HPGDS: variants seen among roughly 807,000 people sequenced by gnomAD.
HPGDS encodes hematopoietic prostaglandin D synthase.
In HPGDS, 26 loss-of-function variants were observed where a neutral mutation model predicts 23.1. That is an observed-to-expected ratio of 1.13 (90% CI 0.83 to 1.56). The LOEUF is 1.56. Among genes scored for constraint, HPGDS ranks in the 40% most tolerant of loss-of-function variants. HPGDS has a pLI of 0.00. For missense variants in HPGDS, 268 were observed against 236.4 expected (o/e 1.13, Z -0.88); for synonymous variants, 95 against 77.9 (o/e 1.22, Z -1.16).
intron 2 of HPGDS, among the ~76,000 whole-genome samples, chr4:94,328,382 C>T (rs1026966245): frequency 6.6e-6 from 1 of 152,188 alleles, no homozygotes; most frequent in African/African-American, 2.4e-5. Flanking sequence ...TGATGAGGGA[C>T]TATTTGAAAT....
chr4:94,305,390 C>A (rs998682981), intron 4 of HPGDS, among the ~76,000 whole-genome samples: 2 of 152,026 alleles, frequency 1.3e-5, no homozygotes, highest in African/African-American at 4.8e-5. Flanking sequence ...GCAGACCCTA[C>A]ACACCTTACA....
intron 5 of HPGDS, 149 bp downstream of exon 5, chr4:94,301,997 A>T (rs1579423778): frequency 4.4e-6 from 2 of 458,418 alleles, no homozygotes; most frequent in East Asian, 6.8e-5. Flanking sequence ...TCTATTTTTT[A>T]AAAAGGTTTA....
chr4:94,338,626 T>G (rs1261364838), intron 1 of HPGDS, among the ~76,000 whole-genome samples: 1 of 152,188 alleles, frequency 6.6e-6, no homozygotes, highest in Non-Finnish European at 1.5e-5. Context: ...TAAAAACTTA[T>G]AGCAAATATA....
intron 3 of HPGDS, among the ~76,000 whole-genome samples, chr4:94,315,946 T>A (rs1338707712): frequency 6.6e-6 from 1 of 152,188 alleles, no homozygotes; most frequent in Non-Finnish European, 1.5e-5. Flanking sequence ...TCCTTTTGGA[T>A]ATATCTCTGA....
At position 94,299,426 on chromosome 4, in the gene HPGDS, T is replaced by C; in HGVS notation, c.*54A>G. 6.6e-7 allele frequency: 1 copy of C among 1,513,484 alleles called. No individual in the cohort carries two copies. The highest frequency in any genetic ancestry group is 9.0e-7 in the Non-Finnish European group (1 of 1,116,732). The allele number at this position is 1,513,484 out of a possible 1,614,324, so 93.8% of individuals were successfully genotyped here. ...CTGGCAGGCTGATGTAGCTGTCTTATCTGATGAGAGAGATGCCCCCGAGAA... is the reference window on the plus strand; with the variant it reads ...CTGGCAGGCTGATGTAGCTGTCTTACCTGATGAGAGAGATGCCCCCGAGAA... On this transcript the variant is annotated 3_prime_UTR_variant, in exon 6 of 6. Transcript: ENST00000295256.
chr4:94,327,174 A>C (rs1048710752), intron 2 of HPGDS, among the ~76,000 whole-genome samples: 6 of 152,028 alleles, frequency 3.9e-5, no homozygotes, highest in African/African-American at 1.5e-4. Flanking sequence ...AGGCAGATCC[A>C]GCCCCCCAGA....
chr4:94,321,575 G>T (rs1166325948), intron 2 of HPGDS, among the ~76,000 whole-genome samples: 1 of 152,104 alleles, frequency 6.6e-6, no homozygotes, highest in African/African-American at 2.4e-5. Context: ...GTCTGTTATT[G>T]GTGTATAGCA....
intron 2 of HPGDS, among the ~76,000 whole-genome samples, chr4:94,332,209 T>C (rs1048663270): frequency 2.0e-5 from 3 of 152,120 alleles, no homozygotes; most frequent in Non-Finnish European, 4.4e-5. Context: ...CTGTCCTCTC[T>C]CCAGCTCCCC....
chr4:94,318,283 G>A (rs1003512251), intron 2 of HPGDS, among the ~76,000 whole-genome samples: 9 of 151,960 alleles, frequency 5.9e-5, no homozygotes, highest in African/African-American at 2.2e-4. Flanking sequence ...ATTATTTTTT[G>A]CAGCCTCAAT....
At chr4:94,310,506 G>A (rs139964519) in intron 3 of HPGDS, among the ~76,000 whole-genome samples, 1,620 of 152,242 alleles carry the variant, frequency 0.011, 23 homozygotes, top group African/African-American at 0.036. Context: ...CTCTGTTTTG[G>A]TACCAGTACC....
intron 2 of HPGDS, among the ~76,000 whole-genome samples, chr4:94,333,854 A>G (rs2126045604): frequency 1.3e-5 from 2 of 152,350 alleles, no homozygotes; most frequent in Middle Eastern, 6.8e-3. Flanking sequence ...TTATATATTC[A>G]CTGTCTTAAA....
chr4:94,329,850 A>G (rs939700491), intron 2 of HPGDS, among the ~76,000 whole-genome samples: 6 of 152,238 alleles, frequency 3.9e-5, no homozygotes, highest in Admixed American at 3.9e-4. Flanking sequence ...AGGTGTCAAC[A>G]GAAGTATTCT....
At chr4:94,328,053 T>G (rs555342223) in intron 2 of HPGDS, among the ~76,000 whole-genome samples, 1 of 152,294 alleles carries the variant, frequency 6.6e-6, no homozygotes, top group East Asian at 1.9e-4. Flanking sequence ...TCAGGGCCCA[T>G]AAGGCCCAAG....
At chr4:94,304,237 AT>A (rs1277740333) in intron 4 of HPGDS, among the ~76,000 whole-genome samples, 1 of 152,068 alleles carries the variant, frequency 6.6e-6, no homozygotes, top group Non-Finnish European at 1.5e-5. Context: ...TACCAAAATT[AT>A]TTTGTGTTGG....
intron 1 of HPGDS, among the ~76,000 whole-genome samples, chr4:94,340,292 T>TC (rs1491343988): frequency 7.0e-5 from 5 of 71,148 alleles, no homozygotes; most frequent in African/African-American, 2.6e-4. Context: ...TTTCTTTCTT[T>TC]CTTTCTTTCT....
chr4:94,307,066 G>C (rs1345934418), intron 4 of HPGDS, among the ~76,000 whole-genome samples: 2 of 151,870 alleles, frequency 1.3e-5, no homozygotes, highest in Non-Finnish European at 2.9e-5. Flanking sequence ...ACATACAAAA[G>C]GTCAGTAATT....
At chr4:94,313,023 ATG>A (rs1410673664) in intron 3 of HPGDS, among the ~76,000 whole-genome samples, 18 of 149,460 alleles carry the variant, frequency 1.2e-4, no homozygotes, top group African/African-American at 4.2e-4. Context: ...TTTTGAGCCT[ATG>A]TGTGTCTCTG....
intron 1 of HPGDS, among the ~76,000 whole-genome samples, chr4:94,340,311 C>CTTTTTTTTTTTTTTTTTTT (rs869240610): frequency 8.4e-5 from 2 of 23,678 alleles, no homozygotes; most frequent in African/African-American, 1.5e-4. Context: ...CTTTCTTTCT[C>CTTTTTTTTTTTTTTTTTTT]TTTTTTTTTT....
At chr4:94,323,675 TC>T (rs2126042317) in intron 2 of HPGDS, among the ~76,000 whole-genome samples, 1 of 152,262 alleles carries the variant, frequency 6.6e-6, no homozygotes, top group Non-Finnish European at 1.5e-5. Flanking sequence ...TTGAGATGGG[TC>T]TCCTGAATAC....
Sources: gnomAD v4.1 joint callset for allele counts (sites outside exome capture counted in the v4.1 genomes callset) on GRCh38, gnomAD v4.1.1 for gene constraint, MANE v1.5 for transcripts, NCBI Gene and HGNC (gene_info 2026-07-23, HGNC 2026-07-21) for gene names.